The following PCDHA6 variants were observed in gnomAD, a reference collection of about 807,000 sequenced individuals.
PCDHA6 encodes protocadherin alpha-6.
Under a neutral mutation model 60.3 loss-of-function variants are expected in PCDHA6, and 55 were observed. That is an observed-to-expected ratio of 0.91 (90% CI 0.73 to 1.14). PCDHA6 has a LOEUF of 1.14. Ranked by LOEUF, PCDHA6 falls within the 50% of genes most tolerant of loss-of-function variation. PCDHA6 has a pLI of 0.00. For synonymous variants in PCDHA6, 652 were observed against 557.9 expected, an observed-to-expected ratio of 1.17 and a Z score of -2.38; for missense variants, 1,327 against 1,256.5, an observed-to-expected ratio of 1.06 and a Z score of -0.85.
chr5:140,882,681 A>G, intron 1 of PCDHA6: 1 of 1,614,176 alleles, frequency 6.2e-7, no homozygotes, highest in Non-Finnish European at 8.5e-7. Context: ...GAAAGCAAGA[A>G]ACGAATAATC....
At chr5:140,914,248 G>T (rs1228200797) in intron 1 of PCDHA6, among the ~76,000 whole-genome samples, 1 of 151,850 alleles carries the variant, frequency 6.6e-6, no homozygotes, top group Non-Finnish European at 1.5e-5. Flanking sequence ...TTTATATCTG[G>T]GTGCTTCAAT....
intron 1 of PCDHA6, among the ~76,000 whole-genome samples, chr5:140,972,633 T>G (rs1230723429): frequency 6.6e-6 from 1 of 151,644 alleles, no homozygotes; most frequent in Non-Finnish European, 1.5e-5. Context: ...TGGCACTCCC[T>G]TCAGAGTCTC....
chr5:140,991,875 G>A (rs2097477734), intron 3 of PCDHA6, among the ~76,000 whole-genome samples: 1 of 152,092 alleles, frequency 6.6e-6, no homozygotes, highest in South Asian at 2.1e-4. Context: ...AGTTTCCTAG[G>A]GCTGCCATAA....
At chr5:140,982,359 C>T in intron 2 of PCDHA6, 116 bp from the exon 3 acceptor site, 1 of 1,523,712 alleles carries the variant, frequency 6.6e-7, no homozygotes. Context: ...CAAGCATGAG[C>T]AGAATGTGTT....
chr5:140,924,747 T>G (rs1026870483), intron 1 of PCDHA6, among the ~76,000 whole-genome samples: 2 of 151,786 alleles, frequency 1.3e-5, no homozygotes, highest in African/African-American at 4.8e-5. Flanking sequence ...ATACAAAAAT[T>G]AACCGAGCAT....
At chr5:140,967,249 G>A (rs782040791) in intron 1 of PCDHA6, 1 of 1,613,592 alleles carries the variant, frequency 6.2e-7, no homozygotes, top group Non-Finnish European at 8.5e-7. Context: ...GCGAATCGGT[G>A]GCGCCTGGAG....
chr5:140,835,559 C>T, intron 1 of PCDHA6: 1 of 1,613,922 alleles, frequency 6.2e-7, no homozygotes, highest in Non-Finnish European at 8.5e-7. Flanking sequence ...TGACGCCCCG[C>T]GTTCCCTTCA....
chr5:140,843,494 G>A, intron 1 of PCDHA6: 1 of 1,596,028 alleles, frequency 6.3e-7, no homozygotes, highest in Non-Finnish European at 8.6e-7. Context: ...GCGGTGCTCA[G>A]CACTGCCCAC....
chr5:140,988,557 T>G (rs1236263807), intron 3 of PCDHA6, among the ~76,000 whole-genome samples: 3 of 152,190 alleles, frequency 2.0e-5, no homozygotes, highest in African/African-American at 7.2e-5. Context: ...CTTCATCTTC[T>G]TCTTGGGAAA....
intron 1 of PCDHA6, among the ~76,000 whole-genome samples, chr5:140,970,348 T>A (rs2096398928): frequency 6.6e-6 from 1 of 152,186 alleles, no homozygotes; most frequent in Admixed American, 6.5e-5. Context: ...ATTTTCTGGA[T>A]CTAAAATTTG....
intron 1 of PCDHA6, among the ~76,000 whole-genome samples, chr5:140,912,895 A>G (rs781884731): frequency 4.6e-5 from 7 of 152,212 alleles, no homozygotes; most frequent in Non-Finnish European, 1.0e-4. Context: ...TGTTGATATG[A>G]TGTATCATAT....
At chr5:140,966,989 G>C (rs879989091) in intron 1 of PCDHA6, 7 of 1,604,030 alleles carry the variant, frequency 4.4e-6, no homozygotes, top group Non-Finnish European at 5.1e-6. Context: ...CTTGGGGCCG[G>C]GTTGCTTGCG....
intron 1 of PCDHA6, chr5:140,928,939 T>G (rs367874769): frequency 6.2e-7 from 1 of 1,614,012 alleles, no homozygotes; most frequent in African/African-American, 1.3e-5. Context: ...CCAGAACTTG[T>G]ATTTAGTAAT....
At chr5:140,843,084 G>A (rs2150352183) in intron 1 of PCDHA6, 6 of 1,595,554 alleles carry the variant, frequency 3.8e-6, no homozygotes, top group South Asian at 3.3e-5. Context: ...GTGGGCGCGG[G>A]CCACGTGGTA....
At chr5:140,906,813 A>G (rs1287106484) in intron 1 of PCDHA6, among the ~76,000 whole-genome samples, 4 of 152,042 alleles carry the variant, frequency 2.6e-5, no homozygotes, top group African/African-American at 4.8e-5. Flanking sequence ...CCTTACCTCC[A>G]CTGTGGAGTA....
In PCDHA6 at chr5:140,828,370, G is replaced by A. The variant is rs2150154603; in HGVS notation, c.279G>A (p.Glu93=). 6.2e-7 allele frequency: 1 copy of A among 1,614,292 alleles called. No individual in the cohort carries two copies. Among genetic ancestry groups the A allele is most frequent in the South Asian group, 1.1e-5 (1 of 91,090 alleles). ...ILFVNSRIDR[E]ELCGRSAECS... is the part of the protein sequence containing the mutation. ...TTGTGAATTCTCGGATCGACCGCGA[G>A]GAGCTGTGCGGGCGGAGCGCGGAGT... Residue 93 remains glutamate (E), a synonymous_variant, in exon 1 of 4, where the codon GAG becomes GAA. Transcript: ENST00000529310.
intron 1 of PCDHA6, among the ~76,000 whole-genome samples, chr5:140,923,645 C>T (rs939799750): frequency 1.1e-4 from 17 of 152,126 alleles, no homozygotes; most frequent in African/African-American, 4.1e-4. Context: ...AATCTTTAGC[C>T]TCCCTTATCT....
At chr5:140,871,934 C>T (rs2053394158) in intron 1 of PCDHA6, among the ~76,000 whole-genome samples, 1 of 152,222 alleles carries the variant, frequency 6.6e-6, no homozygotes, top group Non-Finnish European at 1.5e-5. Flanking sequence ...GTTAGATCAA[C>T]TGGCTTTGTT....
chr5:140,961,748 A>G (rs2095633419), intron 1 of PCDHA6, among the ~76,000 whole-genome samples: 1 of 152,184 alleles, frequency 6.6e-6, no homozygotes, highest in Non-Finnish European at 1.5e-5. Flanking sequence ...GTAATATTAC[A>G]GTTTTGAAGG....
Sources: gnomAD v4.1 joint callset for allele counts (sites outside exome capture counted in the v4.1 genomes callset) on GRCh38, gnomAD v4.1.1 for gene constraint, MANE v1.5 for transcripts, NCBI Gene and HGNC (gene_info 2026-07-23, HGNC 2026-07-21) for gene names.